The following SLC41A2 variants were observed in gnomAD, a reference collection of about 807,000 sequenced individuals.
SLC41A2 encodes solute carrier family 41 member 2.
SLC41A2 carries 32 observed loss-of-function variants against 58.3 expected under a neutral mutation model. That is an observed-to-expected ratio of 0.55 (90% CI 0.41 to 0.74). The LOEUF (loss-of-function observed/expected upper bound fraction) is 0.74, where lower values mean the gene tolerates loss of function less well. Among genes scored for constraint, SLC41A2 ranks in the 30% least tolerant of loss-of-function variants. SLC41A2 has a pLI of 0.00. For synonymous variants in SLC41A2, 190 were observed against 235.0 expected (o/e 0.81, Z 1.75); for missense variants, 514 against 680.6 (o/e 0.76, Z 2.72).
chr12:104,924,893 G>GA (rs1197431156), intron 2 of SLC41A2, among the ~76,000 whole-genome samples: 64 of 152,012 alleles, frequency 4.2e-4, no homozygotes, highest in African/African-American at 1.4e-3. Flanking sequence ...TAATGTTGAG[G>GA]GAAAAAAAGC....
chr12:104,817,789 T>C (rs1232176534), intron 10 of SLC41A2, among the ~76,000 whole-genome samples: 1 of 151,580 alleles, frequency 6.6e-6, no homozygotes, highest in African/African-American at 2.4e-5. Context: ...ACTAGATAAC[T>C]AGCGTACACA....
chr12:104,909,794 G>T, intron 2 of SLC41A2, 32 bp from the exon 3 acceptor site: 1 of 1,434,402 alleles, frequency 7.0e-7, no homozygotes, highest in South Asian at 1.3e-5. Context: ...AAAATTTTCT[G>T]GCACTCTTTA....
At chr12:104,899,527 C>T (rs144756731) in intron 3 of SLC41A2, among the ~76,000 whole-genome samples, 11 of 152,136 alleles carry the variant, frequency 7.2e-5, no homozygotes, top group African/African-American at 2.7e-4. Flanking sequence ...CATCTCTCTG[C>T]TTGGTTCTTG....
chr12:104,825,355 G>A (rs540462022), intron 10 of SLC41A2, among the ~76,000 whole-genome samples: 20 of 152,270 alleles, frequency 1.3e-4, no homozygotes, highest in East Asian at 1.2e-3. Flanking sequence ...AGGACCCCAC[G>A]GGGTCAACAG....
At chr12:104,909,269 T>C (rs1593121940) in intron 3 of SLC41A2, among the ~76,000 whole-genome samples, 1 of 152,222 alleles carries the variant, frequency 6.6e-6, no homozygotes, top group Non-Finnish European at 1.5e-5. Context: ...CTTTAGATTT[T>C]CTTTTTTATA....
intron 2 of SLC41A2, among the ~76,000 whole-genome samples, chr12:104,926,153 C>T (rs900686718): frequency 3.9e-5 from 6 of 152,236 alleles, no homozygotes; most frequent in African/African-American, 1.4e-4. Flanking sequence ...GATAAGAGCA[C>T]ATTATAAGAT....
intron 10 of SLC41A2, among the ~76,000 whole-genome samples, chr12:104,807,781 G>A (rs942884808): frequency 9.9e-5 from 15 of 152,148 alleles, no homozygotes; most frequent in East Asian, 7.7e-4. Flanking sequence ...GGTCCTTCAC[G>A]TCCCTTATAA....
intron 10 of SLC41A2, among the ~76,000 whole-genome samples, chr12:104,807,573 TTAAAG>T (rs1429703364): frequency 2.6e-5 from 4 of 152,216 alleles, no homozygotes; most frequent in African/African-American, 9.7e-5. Context: ...CATATGAACT[TTAAAG>T]TAGTTTTTTC....
chr12:104,899,048 G>A (rs918387523), intron 3 of SLC41A2, among the ~76,000 whole-genome samples: 1 of 152,102 alleles, frequency 6.6e-6, no homozygotes, highest in South Asian at 2.1e-4. Context: ...TAGGCCTACT[G>A]TTACTAGATT....
chr12:104,835,228 T>A (rs2042168362), intron 10 of SLC41A2, among the ~76,000 whole-genome samples: 1 of 152,212 alleles, frequency 6.6e-6, no homozygotes, highest in Admixed American at 6.5e-5. Context: ...AGGTATTTGA[T>A]GGTGGAAGCC....
At chr12:104,917,146 CA>C (rs1678732116) in intron 2 of SLC41A2, among the ~76,000 whole-genome samples, 2 of 152,036 alleles carry the variant, frequency 1.3e-5, no homozygotes, top group Non-Finnish European at 2.9e-5. Context: ...CAAACAACCC[CA>C]TCAACAAGTG....
intron 6 of SLC41A2, among the ~76,000 whole-genome samples, chr12:104,883,646 G>A (rs905459640): frequency 2.6e-5 from 4 of 152,222 alleles, no homozygotes; most frequent in Non-Finnish European, 4.4e-5. Flanking sequence ...TATCACCAGC[G>A]GAGGCTGCAG....
intron 3 of SLC41A2, among the ~76,000 whole-genome samples, chr12:104,905,223 A>G (rs1565890072): frequency 6.6e-6 from 1 of 152,140 alleles, no homozygotes; most frequent in South Asian, 2.1e-4. Flanking sequence ...TGGTGTGTTT[A>G]CAAACCTTGA....
At chr12:104,833,989 C>G in intron 10 of SLC41A2, 7 of 984,156 alleles carry the variant, frequency 7.1e-6, no homozygotes, top group Non-Finnish European at 7.2e-6. Context: ...AAGCAATGTC[C>G]TAAGCAGAAT....
At chr12:104,918,202 G>A (rs925178358) in intron 2 of SLC41A2, among the ~76,000 whole-genome samples, 8 of 151,912 alleles carry the variant, frequency 5.3e-5, no homozygotes, top group African/African-American at 1.9e-4. Flanking sequence ...TTGTGAAAAC[G>A]TAAATGTTTA....
At chr12:104,887,461 T>C (rs958923403) in intron 5 of SLC41A2, among the ~76,000 whole-genome samples, 4 of 151,904 alleles carry the variant, frequency 2.6e-5, no homozygotes, top group Non-Finnish European at 5.9e-5. Flanking sequence ...AATTTTTGTC[T>C]TGCATCAAAC....
At chr12:104,932,624 CAAAAA>C (rs544329617) in intron 1 of SLC41A2, among the ~76,000 whole-genome samples, 11 of 46,070 alleles carry the variant, frequency 2.4e-4, no homozygotes, top group East Asian at 1.9e-3. Context: ...GACTTTGTCT[CAAAAA>C]AAAAAAAAAA....
chr12:104,929,132 C>A (rs924535543), intron 1 of SLC41A2, among the ~76,000 whole-genome samples: 16 of 151,986 alleles, frequency 1.1e-4, no homozygotes, highest in African/African-American at 3.9e-4. Context: ...AAATAATAAA[C>A]CATATTACTT....
chr12:104,918,640 A>AC (rs1565900757), intron 2 of SLC41A2, among the ~76,000 whole-genome samples: 1 of 151,248 alleles, frequency 6.6e-6, no homozygotes, highest in African/African-American at 2.4e-5. Context: ...AAAAAAAAAA[A>AC]AAAAAAACTA....
Sources: gnomAD v4.1 joint callset for allele counts (sites outside exome capture counted in the v4.1 genomes callset) on GRCh38, gnomAD v4.1.1 for gene constraint, MANE v1.5 for transcripts, NCBI Gene and HGNC (gene_info 2026-07-23, HGNC 2026-07-21) for gene names.